Variants in KPNA3 observed in about 807,000 individuals in gnomAD.
KPNA3 encodes karyopherin subunit alpha 3, also known as importin subunit alpha-4.
In KPNA3, 13 loss-of-function variants were observed where a neutral mutation model predicts 73.8. That is an observed-to-expected ratio of 0.18 (90% CI 0.11 to 0.28). The LOEUF (loss-of-function observed/expected upper bound fraction) is 0.28. Among genes scored for constraint, KPNA3 ranks in the 10% least tolerant of loss-of-function variants. KPNA3 has a pLI of 1.00. For synonymous variants in KPNA3, 186 were observed against 206.9 expected, an observed-to-expected ratio of 0.90 and a Z score of 0.87; for missense variants, 360 against 618.1, an observed-to-expected ratio of 0.58 and a Z score of 4.43.
intron 1 of KPNA3, among the ~76,000 whole-genome samples, chr13:49,788,207 A>G (rs1955000933): frequency 1.3e-5 from 2 of 152,224 alleles, no homozygotes; most frequent in Non-Finnish European, 2.9e-5. Flanking sequence ...TAAGGTTTTT[A>G]AAATAATTAA....
At chr13:49,732,123 ATAAGT>A (rs1470641349) in intron 6 of KPNA3, among the ~76,000 whole-genome samples, 2 of 152,242 alleles carry the variant, frequency 1.3e-5, no homozygotes, top group African/African-American at 4.8e-5. Context: ...AATATTTGAG[ATAAGT>A]TAAAACAGGC....
At chr13:49,704,490 A>C (rs1326838676) in intron 15 of KPNA3, among the ~76,000 whole-genome samples, 1 of 150,228 alleles carries the variant, frequency 6.7e-6, no homozygotes, top group Non-Finnish European at 1.5e-5. Flanking sequence ...AATAGAAAGA[A>C]AGAAATCCTC....
At chr13:49,788,246 C>A (rs973423179) in intron 1 of KPNA3, among the ~76,000 whole-genome samples, 2 of 152,148 alleles carry the variant, frequency 1.3e-5, no homozygotes, top group Non-Finnish European at 2.9e-5. Context: ...ATGTCACACC[C>A]TTGAGGTATA....
chr13:49,725,034 C>G (rs922231362), intron 7 of KPNA3, among the ~76,000 whole-genome samples: 1 of 152,162 alleles, frequency 6.6e-6, no homozygotes, highest in African/African-American at 2.4e-5. Flanking sequence ...ATATCTAGTA[C>G]TTTTCTAAAG....
At chr13:49,737,561 CTG>C (rs3990330) in intron 2 of KPNA3, among the ~76,000 whole-genome samples, 3,181 of 142,842 alleles carry the variant, frequency 0.022, 25 homozygotes, top group African/African-American at 0.04. Context: ...GTGTGTGTGT[CTG>C]TGTGTGTGTG....
rs2059459522 is a variant in KPNA3, at chr13:49,701,682, A to C, written c.*118T>G. The C allele has an allele frequency of 2.5e-6, 2 of 789,224 alleles. No individual in the cohort carries two copies. Among genetic ancestry groups the C allele is most frequent in the Admixed American group, 3.5e-5 (2 of 57,586 alleles). 48.9% of individuals were successfully genotyped at this position (789,224 alleles called of 1,614,324 possible). A position where few individuals can be genotyped will look rare whatever the true frequency, so the allele number is the denominator to read the frequency against. On this transcript the variant is annotated 3_prime_UTR_variant, in exon 17 of 17. Coordinates refer to ENST00000261667, the MANE Select transcript of KPNA3 (RefSeq NM_002267.4). Reference sequence around the variant, plus strand: ...CTGAGACATGGCTTGCTTTAGAAGCATCAAAACAAAGAGGCATGTGTGTTT... The same window carrying C: ...CTGAGACATGGCTTGCTTTAGAAGCCTCAAAACAAAGAGGCATGTGTGTTT...
At chr13:49,735,841 G>T (rs575063845) in intron 2 of KPNA3, among the ~76,000 whole-genome samples, 1 of 152,102 alleles carries the variant, frequency 6.6e-6, no homozygotes, top group Non-Finnish European at 1.5e-5. Flanking sequence ...AACTATGGGC[G>T]ATTTCTTATA....
At chr13:49,782,605 G>A (rs181886548) in intron 1 of KPNA3, among the ~76,000 whole-genome samples, 19 of 152,218 alleles carry the variant, frequency 1.2e-4, no homozygotes, top group African/African-American at 4.3e-4. Flanking sequence ...TAGGCTGCGC[G>A]CGGTGGCTCA....
At chr13:49,744,380 G>A (rs9596188) in intron 2 of KPNA3, among the ~76,000 whole-genome samples, 18,215 of 152,134 alleles carry the variant, frequency 0.12, 2,189 homozygotes, top group East Asian at 0.58. Flanking sequence ...GAGTTGACAG[G>A]GAATGGGAAT....
At chr13:49,762,189 G>C (rs1301284606) in intron 1 of KPNA3, among the ~76,000 whole-genome samples, 4 of 140,248 alleles carry the variant, frequency 2.9e-5, no homozygotes, top group South Asian at 4.6e-4. Context: ...CGCCTCGTCC[G>C]GGAGGGAGGT....
At chr13:49,775,171 AAAAAAAAAAAAAAAAG>A (rs1271080917) in intron 1 of KPNA3, among the ~76,000 whole-genome samples, 1 of 75,776 alleles carries the variant, frequency 1.3e-5, no homozygotes, top group East Asian at 5.7e-4. Context: ...TCAAAAAAAA[AAAAAAAAAAAAAAAAG>A]AAAAAAGAAA....
chr13:49,786,669 G>A (rs575805369), intron 1 of KPNA3, among the ~76,000 whole-genome samples: 3 of 152,126 alleles, frequency 2.0e-5, no homozygotes, highest in Non-Finnish European at 4.4e-5. Flanking sequence ...GCATGAAGAA[G>A]AAACTACTGG....
At position 49,748,620 on chromosome 13, in the gene KPNA3, T is replaced by C. The variant is rs73192702; in HGVS notation, c.70-1627A>G. 3.9e-3 allele frequency among the ~76,000 whole-genome samples: 598 copies of C among 152,222 alleles called. 2 individuals carry two copies. The highest frequency in any genetic ancestry group is 6.4e-3 in the Non-Finnish European group (436 of 67,962). On this transcript the variant is annotated intron_variant, in intron 1 of 16. Coordinates refer to ENST00000261667, the MANE Select transcript of KPNA3 (RefSeq NM_002267.4). ...TCCAAATTATAAAGTTTGCTAACTA[T>C]ACTGAAATAATCTAGATATAAACTT...
At chr13:49,764,188 T>C (rs1954791660) in intron 1 of KPNA3, among the ~76,000 whole-genome samples, 2 of 152,086 alleles carry the variant, frequency 1.3e-5, no homozygotes, top group African/African-American at 2.4e-5. Context: ...CCTTCTTATA[T>C]AGTCCTCATA....
chr13:49,746,418 C>A (rs1954617999), intron 2 of KPNA3, among the ~76,000 whole-genome samples: 1 of 152,074 alleles, frequency 6.6e-6, no homozygotes, highest in East Asian at 1.9e-4. Context: ...GTCAAGGCTG[C>A]AGTGAGCCAA....
At chr13:49,733,139 G>A (rs1954485672) in intron 2 of KPNA3, 93 bp from the exon 3 acceptor site, 6 of 786,500 alleles carry the variant, frequency 7.6e-6, no homozygotes. Flanking sequence ...AGGCAATTAT[G>A]AAACAAATAC....
At chr13:49,778,556 T>C (rs376688876) in intron 1 of KPNA3, among the ~76,000 whole-genome samples, 1 of 152,250 alleles carries the variant, frequency 6.6e-6, no homozygotes, top group African/African-American at 2.4e-5. Context: ...TAAATTATAA[T>C]TGTTTTAAAA....
chr13:49,721,226 A>G (rs997779671), intron 9 of KPNA3, among the ~76,000 whole-genome samples: 2 of 152,138 alleles, frequency 1.3e-5, no homozygotes, highest in Non-Finnish European at 2.9e-5. Flanking sequence ...CAAAAGAAGA[A>G]GAAGAAGAAA....
At chr13:49,722,972 TTAAAA>T (rs2137545460) in intron 7 of KPNA3, among the ~76,000 whole-genome samples, 1 of 152,196 alleles carries the variant, frequency 6.6e-6, no homozygotes, top group South Asian at 2.1e-4. Flanking sequence ...ATCTTATACT[TTAAAA>T]TAATTTCTCA....
Sources: gnomAD v4.1 joint callset for allele counts (sites outside exome capture counted in the v4.1 genomes callset) on GRCh38, gnomAD v4.1.1 for gene constraint, MANE v1.5 for transcripts, NCBI Gene and HGNC (gene_info 2026-07-23, HGNC 2026-07-21) for gene names.